ECSIT: variants seen among roughly 807,000 people sequenced by gnomAD.
ECSIT encodes the protein ECSIT signaling integrator.
A neutral mutation model predicts 36.8 loss-of-function variants in ECSIT; 29 were observed. That is an observed-to-expected ratio of 0.79 (90% CI 0.59 to 1.08). ECSIT has a LOEUF of 1.08. Ranked by LOEUF, ECSIT falls within the 50% of genes least tolerant of loss-of-function variation. ECSIT has a pLI of 0.00. For synonymous variants in ECSIT, 231 were observed against 234.8 expected (o/e 0.98, Z 0.15); for missense variants, 542 against 581.0 (o/e 0.93, Z 0.69).
chr19:11,520,046 C>T (rs918215931), intron 1 of ECSIT: 1 of 151,940 alleles, frequency 6.6e-6, no homozygotes, highest in African/African-American at 2.4e-5. Flanking sequence ...CCTTCACTCC[C>T]AACCCCAAGA....
rs990724994 is a variant in ECSIT, at chr19:11,506,038, C to T, written c.*146G>A. ...TGCCCATCGCTGGCAGCCCGAGATC[C>T]TGGGGAGGGGATGCCATACTGCTAG... On this transcript the variant is annotated 3_prime_UTR_variant, in exon 8 of 8. Transcript: ENST00000270517. 4 of 1,363,550 alleles carry T rather than the reference C, an allele frequency of 2.9e-6. No homozygotes were observed. Among genetic ancestry groups the T allele is most frequent in the South Asian group, 2.8e-5 (2 of 71,860 alleles). 84.5% of individuals were successfully genotyped at this position (1,363,550 alleles called of 1,614,324 possible). A position where few individuals can be genotyped will look rare whatever the true frequency, so the allele number is the denominator to read the frequency against.
chr19:11,507,565 A>T lies in ECSIT; in HGVS notation c.946-3T>A, dbSNP rs548522099. On this transcript the variant is annotated splice_polypyrimidine_tract_variant and splice_region_variant and intron_variant, in intron 6 of 7. Transcript: ENST00000270517. The stretch of plus-strand genomic sequence containing the variant: ...TCCTCCGGCGTCTCTTCCACTTCCT[A>T]CTCCAAGGTGGGGAGTGCAGGCGGG... 1.1e-5 allele frequency: 18 copies of T among 1,612,390 alleles called. No individual in the cohort carries two copies. The African/African-American group carries it at 1.3e-4, about 12-fold the overall frequency.
At position 11,513,275 on chromosome 19, in the gene ECSIT, C is replaced by T; in HGVS notation, c.519G>A (p.Val173=). The T allele has an allele frequency of 6.2e-7, 1 of 1,613,980 alleles. No homozygotes were observed. The highest frequency in any genetic ancestry group is 8.5e-7 in the Non-Finnish European group (1 of 1,179,970). The change falls in exon 4 of 8, where the codon GTG becomes GTA. Residue 173 remains valine, a synonymous_variant. Transcript: ENST00000270517. ...GGAACTCCGTCTCCTTGTTGGGCAT[C>T]ACACCTGTGCTGGGCAGATGCAGGC... ...AVLEQMENHG[V]MPNKETEFLL...
chr19:11,524,228 G>C (rs1293589939), intron 1 of ECSIT, among the ~76,000 whole-genome samples: 1 of 151,636 alleles, frequency 6.6e-6, no homozygotes, highest in Non-Finnish European at 1.5e-5. Flanking sequence ...CTGGATTTTG[G>C]GGGTGTCAAA....
At chr19:11,518,320 G>A (rs1054089523) in intron 2 of ECSIT, among the ~76,000 whole-genome samples, 6 of 151,962 alleles carry the variant, frequency 3.9e-5, no homozygotes, top group African/African-American at 9.7e-5. Context: ...ACAGCTACTC[G>A]GCAGGCTGAG....
chr19:11,508,006 G>T lies in ECSIT; in HGVS notation c.781C>A (p.Gln261Lys), dbSNP rs761256097. ...TCGGACTTACCTACGATGTGGGGCT[G>T]GGGGGGATCTGCTGCACCTGTTGAG... is the stretch of plus-strand genomic sequence containing the variant. ...KDSTGAADPPQPHIVGIQSPD... is the reference protein window; with the variant it reads ...KDSTGAADPPKPHIVGIQSPD... Residue 261 changes from glutamine (Q) to lysine (K), a missense_variant, in exon 5 of 8, where the codon CAG becomes AAG. Transcript: ENST00000270517. 2 of 1,613,970 alleles carry T rather than the reference G, an allele frequency of 1.2e-6. No homozygotes were observed. The highest frequency in any genetic ancestry group is 1.7e-6 in the Non-Finnish European group (2 of 1,179,882).
At position 11,519,133 on chromosome 19, in the gene ECSIT, AG is replaced by A; in HGVS notation, c.37del (p.Leu13SerfsTer161). The A allele has an allele frequency of 6.4e-7, 1 of 1,550,738 alleles. No individual in the cohort carries two copies. The highest frequency in any genetic ancestry group is 8.7e-7 in the Non-Finnish European group (1 of 1,146,950). On this transcript the variant is annotated frameshift_variant, in exon 2 of 8. Transcript: ENST00000270517. LOFTEE classifies it high-confidence loss of function. This position sits in a 1 kb window ranked among gnomAD's most constrained non-coding sequence, Gnocchi z 4.4. Reference protein sequence around the residue: ...WVQATLLARGLCRAWGGTCGA... With the variant: ...WVQATLLARGXCRAWGGTCGA... ...GCAGGTGCCTCCCCAGGCCCTACAGAGGCCTCGGGCCAGTAGGGTGGCCTGG... is the reference window on the plus strand; with the variant it reads ...GCAGGTGCCTCCCCAGGCCCTACAGAGCCTCGGGCCAGTAGGGTGGCCTGG...
At chr19:11,518,636 G>A (rs1384098533) in intron 2 of ECSIT, among the ~76,000 whole-genome samples, 2 of 151,932 alleles carry the variant, frequency 1.3e-5, no homozygotes, top group Admixed American at 6.6e-5. Context: ...GGTGGCTCAC[G>A]CCTGTAATCC....
rs2144979198 is a variant in ECSIT, at chr19:11,514,036, C to T, written c.282G>A (p.Gln94=). 4.3e-6 allele frequency: 7 copies of T among 1,614,234 alleles called. No individual in the cohort carries two copies. Among genetic ancestry groups the T allele is most frequent in the Middle Eastern group, 1.6e-4 (1 of 6,062 alleles). The change falls in exon 3 of 8, where the codon CAG becomes CAA. Residue 94 remains glutamine (Q), a synonymous_variant. Coordinates refer to ENST00000270517, the MANE Select transcript of ECSIT (RefSeq NM_016581.5). ...TACGCACGCTGTGCTCCGCAAATTT[C>T]TGCACCGTCTGCAGGAAGCTCGCCT... ...RDKASFLQTV[Q]KFAEHSVRKR...
intron 1 of ECSIT, chr19:11,523,862 T>C: frequency 1.9e-6 from 1 of 522,216 alleles, no homozygotes; most frequent in Non-Finnish European, 3.6e-6. Context: ...CATAAAAAAA[T>C]AAGTTAATTG....
At chr19:11,510,886 G>C (rs1344521711) in intron 4 of ECSIT, among the ~76,000 whole-genome samples, 1 of 151,742 alleles carries the variant, frequency 6.6e-6, no homozygotes, top group Non-Finnish European at 1.5e-5. Context: ...TCCAATTGCA[G>C]ATTCTTCCAG....
At position 11,519,249 on chromosome 19, in the gene ECSIT, CAAG is replaced by C; in HGVS notation, c.-23-59_-23-57del. ...GGCACCTTACAGATGCTAACAGACG[CAAG>C]GGCCCCGCAGGGTCGAGGGCACACT... On this transcript the variant is annotated intron_variant, in intron 1 of 7. Transcript: ENST00000270517. The surrounding 1 kb of genome is among the most constrained non-coding windows in gnomAD (Gnocchi z 4.4). The C allele has an allele frequency of 8.1e-7, 1 of 1,239,222 alleles. No homozygotes were observed. Among genetic ancestry groups the C allele is most frequent in the Non-Finnish European group, 1.1e-6 (1 of 873,886 alleles). 76.8% of individuals were successfully genotyped at this position (1,239,222 alleles called of 1,614,324 possible).
chr19:11,506,289 G>C lies in ECSIT; in HGVS notation c.1191C>G (p.Thr397=), dbSNP rs767582209. 1 of 1,612,746 alleles carries C rather than the reference G, an allele frequency of 6.2e-7. No homozygotes were observed. The highest frequency in any genetic ancestry group is 8.5e-7 in the Non-Finnish European group (1 of 1,179,850). Residue 397 remains threonine, a synonymous_variant, in exon 8 of 8, where the codon ACC becomes ACG. Coordinates refer to ENST00000270517, the MANE Select transcript of ECSIT (RefSeq NM_016581.5). ...CTGCAGAGGATGTCTGGAGCTCCCG[G>C]GTGGACCCGGCGAGGCGGAAGACCA... ...IPVVFRLAGS[T]RELQTSSAGL...
intron 2 of ECSIT, among the ~76,000 whole-genome samples, 194 bp from the exon 3 acceptor site, chr19:11,514,415 A>T (rs1319708908): frequency 6.6e-6 from 1 of 152,202 alleles, no homozygotes; most frequent in East Asian, 1.9e-4. Context: ...TAGGGAGGAA[A>T]CAGGCACTGT....
At position 11,513,130 on chromosome 19, in the gene ECSIT, C is replaced by G; in HGVS notation, c.664G>C (p.Asp222His). 6.2e-7 allele frequency: 1 copy of G among 1,614,192 alleles called. No individual in the cohort carries two copies. Among genetic ancestry groups the G allele is most frequent in the South Asian group, 1.1e-5 (1 of 91,086 alleles). ...PFPVPRDLPQ[D>H]PVELAMFGLR... is the part of the protein sequence containing the mutation. ...CCAAACATGGCCAGCTCCACAGGGTCCTGGGGCAGGTCCCGGGGCACTGGG... is the reference window on the plus strand; with the variant it reads ...CCAAACATGGCCAGCTCCACAGGGTGCTGGGGCAGGTCCCGGGGCACTGGG... The change falls in exon 4 of 8, where the codon GAC becomes CAC. Residue 222 changes from aspartate (D) to histidine (H), a missense_variant. Transcript: ENST00000270517.
chr19:11,516,414 A>G (rs1971998671), intron 2 of ECSIT: 1 of 152,144 alleles, frequency 6.6e-6, no homozygotes, highest in South Asian at 2.1e-4. Context: ...ACAGCTAGTT[A>G]TCAAGGTTGT....
At chr19:11,523,535 G>C in intron 1 of ECSIT, 1 of 1,093,770 alleles carries the variant, frequency 9.1e-7, no homozygotes, top group Admixed American at 1.9e-5. Context: ...CCTAGCACGT[G>C]GAATCTGTGA....
chr19:11,515,432 T>C (rs980397602), intron 2 of ECSIT, among the ~76,000 whole-genome samples: 1 of 151,894 alleles, frequency 6.6e-6, no homozygotes, highest in African/African-American at 2.4e-5. Context: ...ATTACAGGCA[T>C]GAGCCACTGT....
chr19:11,519,606 A>G lies in ECSIT; in HGVS notation c.-23-413T>C, dbSNP rs114192405. ...CTCTGTCTCCAAAAGTGCTGGGATC[A>G]TGGGTGTGAGCCAGCACTCCTAGCC... is the stretch of plus-strand genomic sequence containing the variant. On this transcript the variant is annotated intron_variant, in intron 1 of 7. Transcript: ENST00000270517. The surrounding 1 kb of genome is among the most constrained non-coding windows in gnomAD (Gnocchi z 4.4). 0.012 allele frequency among the ~76,000 whole-genome samples: 1,820 copies of G among 152,218 alleles called. 34 individuals are homozygous for G. Among genetic ancestry groups the G allele is most frequent in the African/African-American group, 0.04 (1,666 of 41,542 alleles).
Sources: allele counts gnomAD v4.1 joint callset (sites outside exome capture counted in the v4.1 genomes callset), GRCh38; gene constraint gnomAD v4.1.1; non-coding constraint Gnocchi (gnomAD v3.1); transcripts MANE v1.5; gene names NCBI Gene and HGNC (gene_info 2026-07-23, HGNC 2026-07-21).